FHDC1: variants seen among roughly 807,000 people sequenced by gnomAD.
The protein encoded by FHDC1 is FH2 domain containing 1.
In FHDC1, 25 loss-of-function variants were observed where a neutral mutation model predicts 52.6. That is an observed-to-expected ratio of 0.48 (90% CI 0.35 to 0.66). The LOEUF (loss-of-function observed/expected upper bound fraction) is 0.66. FHDC1 is among the 30% of genes least tolerant of loss of function. The pLI is 0.01. For missense variants in FHDC1, 1,459 were observed against 1,452.8 expected, an observed-to-expected ratio of 1.00 and a Z score of -0.07; for synonymous variants, 616 against 581.5, an observed-to-expected ratio of 1.06 and a Z score of -0.85.
intron 1 of FHDC1, among the ~76,000 whole-genome samples, chr4:152,941,575 T>C (rs1329740284): frequency 6.6e-6 from 1 of 152,250 alleles, no homozygotes; most frequent in Non-Finnish European, 1.5e-5. Context: ...CCTCAGCTCA[T>C]GTTGCACATC....
intron 4 of FHDC1, among the ~76,000 whole-genome samples, chr4:152,955,648 C>A (rs986872334): frequency 6.6e-6 from 1 of 152,134 alleles, no homozygotes; most frequent in Non-Finnish European, 1.5e-5. Context: ...CCACGCCCCG[C>A]CTAACTTTTG....
chr4:152,952,658 A>G (rs1739962389), intron 2 of FHDC1, among the ~76,000 whole-genome samples: 1 of 152,246 alleles, frequency 6.6e-6, no homozygotes, highest in South Asian at 2.1e-4. Context: ...TTGTGCATAG[A>G]TTATATGCAA....
rs761048817 is a variant in FHDC1, at chr4:152,975,936, G to C, written c.2645G>C (p.Arg882Pro). The C allele has an allele frequency of 1.3e-6, 2 of 1,513,860 alleles. No homozygotes were observed. The highest frequency in any genetic ancestry group is 1.8e-6 in the Non-Finnish European group (2 of 1,133,504). 93.8% of individuals were successfully genotyped at this position (1,513,860 alleles called of 1,614,324 possible). A position where few individuals can be genotyped will look rare whatever the true frequency, so the allele number is the denominator to read the frequency against. Residue 882 changes from arginine to proline, a missense_variant, in exon 12 of 12, where the codon CGG (arginine) becomes CCG (proline). Arg to Pro is a moderately radical substitution (Grantham distance 103, BLOSUM62 -2). This residue lies in a region of FHDC1 where 939 missense variants were observed against 854.5 expected (regional missense o/e 1.10). Coordinates refer to ENST00000511601, the MANE Select transcript of FHDC1 (RefSeq NM_001371116.1). ...PGASKPGSAR[R>P]SQGAVAKSVR... ...GCCTCCAAGCCCGGGAGCGCCCGGC[G>C]GAGCCAGGGGGCAGTGGCCAAGTCT...
the FHDC1 span, among the ~76,000 whole-genome samples, chr4:152,930,993 ACACACTCTCTCT>A: frequency 5.6e-5 from 8 of 143,230 alleles, no homozygotes; most frequent in African/African-American, 2.2e-4. Context: ...ACACACACAC[ACACACTCTCTCT>A]CTCTCTCTCT....
At chr4:152,964,785 CT>C (rs1200702259) in intron 8 of FHDC1, 119 bp from the exon 9 acceptor site, 1 of 758,918 alleles carries the variant, frequency 1.3e-6, no homozygotes, top group Non-Finnish European at 2.2e-6. Context: ...CAGTGAAATG[CT>C]TTGAATGTGT....
intron 8 of FHDC1, among the ~76,000 whole-genome samples, chr4:152,963,783 T>TTG (rs1740365884): frequency 8.0e-6 from 1 of 124,822 alleles, no homozygotes; most frequent in Non-Finnish European, 1.6e-5. Flanking sequence ...TTTTTTTTTT[T>TTG]TTTTTTTTTT....
chr4:152,975,599 C>G lies in FHDC1; in HGVS notation c.2308C>G (p.Leu770Val), dbSNP rs760332719. ...CCCTGAGAACAAAGATCCTAGACCT[C>G]TGTTCTGCATCTCGGACACCACCGA... ...SDPENKDPRP[L>V]FCISDTTDCS... Residue 770 changes from leucine (L) to valine (V), a missense_variant, in exon 12 of 12, where the codon CTG (leucine) becomes GTG (valine). By Grantham distance (32) the Leu-to-Val change is conservative. This residue lies in a region of FHDC1 where 939 missense variants were observed against 854.5 expected (regional missense o/e 1.10). Coordinates refer to ENST00000511601, the MANE Select transcript of FHDC1 (RefSeq NM_001371116.1). 1.7e-5 allele frequency: 28 copies of G among 1,613,510 alleles called. No homozygotes were observed. Among genetic ancestry groups the G allele is most frequent in the Admixed American group, 1.2e-4 (7 of 60,006 alleles).
rs568222075 is a variant in FHDC1 at position 152,978,056 on chromosome 4, G to A, written c.*1333G>A. On this transcript the variant is annotated 3_prime_UTR_variant, in exon 12 of 12. Coordinates refer to ENST00000511601, the MANE Select transcript of FHDC1 (RefSeq NM_001371116.1). ...AGCCTTGAGGGCCTCATGGTTGCAGGGCAGGCTTCCCTGCAGATGGGTGGC... is the reference window on the plus strand; with the variant it reads ...AGCCTTGAGGGCCTCATGGTTGCAGAGCAGGCTTCCCTGCAGATGGGTGGC... 5 of 152,346 alleles carry A rather than the reference G, an allele frequency of 3.3e-5. No individual in the cohort carries two copies. The East Asian group carries it at 5.8e-4, about 18-fold the overall frequency. The allele number at this position is 152,346 out of a possible 1,614,324, so 9.4% of individuals were successfully genotyped here. A position where few individuals can be genotyped will look rare whatever the true frequency, so the allele number is the denominator to read the frequency against.
chr4:152,930,374 T>C, the FHDC1 span, among the ~76,000 whole-genome samples: 1 of 152,174 alleles, frequency 6.6e-6, no homozygotes, highest in Non-Finnish European at 1.5e-5. Flanking sequence ...CAAAAGTTGA[T>C]CAAAGGCACA....
chr4:152,966,944 A>G (rs1299769506), intron 9 of FHDC1, among the ~76,000 whole-genome samples: 2 of 152,024 alleles, frequency 1.3e-5, no homozygotes, highest in East Asian at 3.9e-4. Flanking sequence ...ACATAGTAAG[A>G]CCCTGTCTCT....
chr4:152,964,772 T>C (rs1740408941), intron 8 of FHDC1, 133 bp from the exon 9 acceptor site: 1 of 671,298 alleles, frequency 1.5e-6, no homozygotes, highest in South Asian at 2.0e-5. Context: ...AGAGTTCATG[T>C]CTCAGTGAAA....
At chr4:152,949,124 T>TAATAAGAAGAAGAAGAAGAAGAAG (rs1347590282) in intron 2 of FHDC1, among the ~76,000 whole-genome samples, 5 of 74,702 alleles carry the variant, frequency 6.7e-5, no homozygotes, top group East Asian at 4.6e-4. Flanking sequence ...ATAATAATAA[T>TAATAAGAAGAAGAAGAAGAAGAAG]AAGAAGAAGA....
At chr4:152,944,187 A>T (rs908524) in intron 2 of FHDC1, among the ~76,000 whole-genome samples, 85,008 of 151,898 alleles carry the variant, frequency 0.56, 24,237 homozygotes, top group Admixed American at 0.68. Flanking sequence ...ATATGTTACT[A>T]TGAGAAAAAA....
intron 4 of FHDC1, among the ~76,000 whole-genome samples, chr4:152,958,165 T>C (rs540577780): frequency 1.3e-5 from 2 of 152,226 alleles, no homozygotes; most frequent in South Asian, 2.1e-4. Context: ...TTAGATAGGA[T>C]GAAGGAGGTG....
At position 152,943,180 on chromosome 4, in the gene FHDC1, C is replaced by T. The variant is rs764559361; in HGVS notation, c.123C>T (p.Pro41=). ...PPAPPPPPPP[P]PPSPPCSCSR... ...CACCTCCTCCACCTCCTCCTCCACC[C>T]CCTCCATCTCCACCATGTTCATGTT... Residue 41 remains proline (P), a synonymous_variant, in exon 2 of 12, where the codon CCC becomes CCT. Coordinates refer to ENST00000511601, the MANE Select transcript of FHDC1 (RefSeq NM_001371116.1). 2 of 1,612,884 alleles carry T rather than the reference C, an allele frequency of 1.2e-6. No homozygotes were observed. The highest frequency in any genetic ancestry group is 2.2e-5 in the South Asian group (2 of 90,962).
chr4:152,920,475 A>G, the FHDC1 span, among the ~76,000 whole-genome samples: 5 of 152,210 alleles, frequency 3.3e-5, no homozygotes, highest in Non-Finnish European at 7.3e-5. Context: ...GGGTACTTGA[A>G]TTAGTTAGAC....
In FHDC1 at chr4:152,974,777, GGCC is replaced by G; in HGVS notation, c.1488_1490del (p.Arg497del). Reference sequence around the variant, plus strand: ...GGCAACTGGGGAGCTGGGGGCATTTGGCCGGAGCAGCAGTGAGAATGATGTGGA... The same window carrying G: ...GGCAACTGGGGAGCTGGGGGCATTTGGGAGCAGCAGTGAGAATGATGTGGA... On this transcript the variant is annotated inframe_deletion, in exon 12 of 12. Transcript: ENST00000511601. 1 of 1,539,440 alleles carries G rather than the reference GGCC, an allele frequency of 6.5e-7. No individual in the cohort carries two copies. The highest frequency in any genetic ancestry group is 1.3e-5 in the South Asian group (1 of 79,698).
chr4:152,969,439 C>T (rs1261031066), intron 10 of FHDC1, among the ~76,000 whole-genome samples: 6 of 152,278 alleles, frequency 3.9e-5, no homozygotes, highest in South Asian at 2.1e-4. Context: ...GAACAGTAAA[C>T]GAATGCATTA....
rs556909724 is a variant in FHDC1, at chr4:152,957,027, C to T, written c.663+2708C>T. Reference sequence around the variant, plus strand: ...ACAAACTTTTTTGTGTCCCCTGGCACCAGTCAGACCCAGGGCCAACCCTGG... The same window carrying T: ...ACAAACTTTTTTGTGTCCCCTGGCATCAGTCAGACCCAGGGCCAACCCTGG... On this transcript the variant is annotated intron_variant, in intron 4 of 11. Transcript: ENST00000511601. Among the ~76,000 whole-genome samples the T allele has an allele frequency of 1.8e-3, 281 of 152,256 alleles. 1 individual carries two copies. The highest frequency in any genetic ancestry group is 6.6e-3 in the African/African-American group (275 of 41,546).
Sources: gnomAD v4.1 joint callset for allele counts (sites outside exome capture counted in the v4.1 genomes callset) on GRCh38, gnomAD v4.1.1 for gene constraint, gnomAD v4.1.1 regional missense constraint, MANE v1.5 for transcripts, NCBI Gene and HGNC (gene_info 2026-07-23, HGNC 2026-07-21) for gene names.